WDR44: variants seen among roughly 807,000 people sequenced by gnomAD.
WDR44 encodes WD repeat-containing protein 44.
WDR44 carries 9 observed loss-of-function variants against 65.7 expected under a neutral mutation model. The observed-to-expected ratio is 0.14, with a 90% CI of 0.08 to 0.24. The LOEUF (loss-of-function observed/expected upper bound fraction) is 0.24, where lower values mean the gene tolerates loss of function less well. WDR44 is among the 10% of genes least tolerant of loss of function. WDR44 has a pLI of 1.00. For missense variants in WDR44, 425 were observed against 670.9 expected (o/e 0.63, Z 4.05); for synonymous variants, 220 against 235.2 (o/e 0.94, Z 0.59).
chrX:118,443,068 A>C, intron 17 of WDR44, among the ~76,000 whole-genome samples: 1 of 111,381 alleles, frequency 9.0e-6, no homozygotes, highest in East Asian at 2.8e-4. Flanking sequence ...GGAACCTTTT[A>C]GGATTCTAAG....
chrX:118,388,588 A>G (rs2056791577), intron 3 of WDR44, among the ~76,000 whole-genome samples: 1 of 111,744 alleles, frequency 8.9e-6, no homozygotes, highest in South Asian at 3.7e-4. Flanking sequence ...GCGAGACCAC[A>G]TATTTTGATA....
chrX:118,375,868 T>C (rs1208451676), intron 1 of WDR44, among the ~76,000 whole-genome samples: 1 of 112,613 alleles, frequency 8.9e-6, no homozygotes, highest in East Asian at 2.8e-4. Flanking sequence ...TCCCCTAAAC[T>C]AGAATTTTAT....
At chrX:118,366,728 A>G in intron 1 of WDR44, among the ~76,000 whole-genome samples, 1 of 111,450 alleles carries the variant, frequency 9.0e-6, no homozygotes, top group Non-Finnish European at 1.9e-5. Flanking sequence ...TAAATTTTAT[A>G]GTAGTGTTGT....
At chrX:118,437,653 C>A (rs950590980) in intron 14 of WDR44, among the ~76,000 whole-genome samples, 1 of 111,725 alleles carries the variant, frequency 9.0e-6, no homozygotes, top group African/African-American at 3.3e-5. Flanking sequence ...TCTTCATCTC[C>A]CCCAAATTAA....
At chrX:118,414,418 A>G (rs531694225) in intron 12 of WDR44, among the ~76,000 whole-genome samples, 1 of 109,513 alleles carries the variant, frequency 9.1e-6, no homozygotes, top group Non-Finnish European at 1.9e-5. Flanking sequence ...AACCAACCCA[A>G]ATGTCCAACA....
chrX:118,364,441 T>C (rs2056536902), intron 1 of WDR44, among the ~76,000 whole-genome samples: 1 of 112,517 alleles, frequency 8.9e-6, no homozygotes, highest in Non-Finnish European at 1.9e-5. Flanking sequence ...AAGGTTATCA[T>C]GTGCTTGTGT....
At chrX:118,389,447 A>C (rs774140223) in intron 3 of WDR44, among the ~76,000 whole-genome samples, 2 of 111,487 alleles carry the variant, frequency 1.8e-5, no homozygotes, top group South Asian at 7.5e-4. Context: ...TAGGCCGGGC[A>C]CGGTGGCTCA....
At chrX:118,371,820 C>G (rs2056615766) in intron 1 of WDR44, among the ~76,000 whole-genome samples, 1 of 110,638 alleles carries the variant, frequency 9.0e-6, no homozygotes, top group African/African-American at 3.3e-5. Context: ...CATGTAACTT[C>G]AGAGTTTTCT....
At chrX:118,436,681 T>A (rs764893953) in intron 13 of WDR44, 21 bp from the exon 14 acceptor site, 2 of 1,176,859 alleles carry the variant, frequency 1.7e-6, no homozygotes, top group East Asian at 3.0e-5. Context: ...GATAACATAG[T>A]CAATGTCATT....
intron 2 of WDR44, among the ~76,000 whole-genome samples, chrX:118,382,529 C>T (rs2056728379): frequency 8.9e-6 from 1 of 112,057 alleles, no homozygotes; most frequent in African/African-American, 3.2e-5. Flanking sequence ...GCTTCCCTTC[C>T]CTTACTACTA....
At chrX:118,390,938 G>A (rs183863170) in intron 3 of WDR44, among the ~76,000 whole-genome samples, 6 of 111,863 alleles carry the variant, frequency 5.4e-5, no homozygotes, top group African/African-American at 1.9e-4. Context: ...CTAATTGTGG[G>A]ACTGGCAAAA....
intron 2 of WDR44, among the ~76,000 whole-genome samples, chrX:118,386,689 T>A (rs758443082): frequency 1.5e-4 from 17 of 111,976 alleles, no homozygotes; most frequent in African/African-American, 5.2e-4. Flanking sequence ...TCCTTAATCC[T>A]TTTTAGCTAT....
At chrX:118,404,911 AG>A (rs1319785114) in intron 9 of WDR44, among the ~76,000 whole-genome samples, 1 of 111,319 alleles carries the variant, frequency 9.0e-6, no homozygotes, top group East Asian at 2.8e-4. Context: ...TGTGTTAGCC[AG>A]GATGGTCTCG....
rs372465868 is a variant in WDR44 at position 118,441,567 on chromosome X, A to C, written c.2166+8A>C. The C allele has an allele frequency of 7.4e-5, 87 of 1,182,886 alleles. No homozygotes were observed. The highest frequency in any genetic ancestry group is 9.8e-5 in the Non-Finnish European group (86 of 876,546). Reference sequence around the variant, plus strand: ...ATTTTCTATGATACAGAGGTAAATGATTGTTTTTTGTAAATTATATAATTG... The same window carrying C: ...ATTTTCTATGATACAGAGGTAAATGCTTGTTTTTTGTAAATTATATAATTG... On this transcript the variant is annotated splice_region_variant and intron_variant, in intron 15 of 19. Transcript: ENST00000254029.
chrX:118,438,186 A>C (rs2057270557), intron 14 of WDR44, among the ~76,000 whole-genome samples: 2 of 111,155 alleles, frequency 1.8e-5, no homozygotes, highest in African/African-American at 6.6e-5. Context: ...TTTATCACAC[A>C]CAAAAAAACT....
intron 12 of WDR44, among the ~76,000 whole-genome samples, chrX:118,426,840 A>G (rs190292484): frequency 8.9e-6 from 1 of 112,208 alleles, no homozygotes; most frequent in Non-Finnish European, 1.9e-5. Flanking sequence ...ACAAACCAAA[A>G]AATTATTAGA....
chrX:118,357,944 C>T (rs967100646), intron 1 of WDR44, among the ~76,000 whole-genome samples: 5 of 110,742 alleles, frequency 4.5e-5, no homozygotes, highest in Admixed American at 3.8e-4. Context: ...GAGGCCGAGG[C>T]GGGCAGATCA....
intron 8 of WDR44, 121 bp downstream of exon 8, chrX:118,398,591 C>A: frequency 1.8e-6 from 1 of 567,810 alleles, no homozygotes. Flanking sequence ...ACCATTCCTC[C>A]CTGTCCCTCG....
intron 1 of WDR44, among the ~76,000 whole-genome samples, chrX:118,352,352 A>ATATATAT (rs1357425730): frequency 7.0e-5 from 1 of 14,224 alleles, no homozygotes; most frequent in African/African-American, 3.7e-4. Context: ...ATATATATAT[A>ATATATAT]TTTTTTTTTT....
Sources: gnomAD v4.1 joint callset for allele counts (sites outside exome capture counted in the v4.1 genomes callset) on GRCh38, gnomAD v4.1.1 for gene constraint, MANE v1.5 for transcripts, NCBI Gene and HGNC (gene_info 2026-07-23, HGNC 2026-07-21) for gene names.